Variants in VPS13C observed in about 807,000 individuals in gnomAD.
VPS13C encodes intermembrane lipid transfer protein VPS13C.
In VPS13C, 358 loss-of-function variants were observed where a neutral mutation model predicts 456.8. That is an observed-to-expected ratio of 0.78 (90% CI 0.72 to 0.86). The LOEUF is 0.86. Ranked by LOEUF, VPS13C falls within the 40% of genes least tolerant of loss-of-function variation. The pLI is 0.00. For missense variants in VPS13C, 4,818 were observed against 4,385.4 expected (o/e 1.10, Z -2.79); for synonymous variants, 1,578 against 1,486.7 (o/e 1.06, Z -1.41).
intron 53 of VPS13C, among the ~76,000 whole-genome samples, chr15:61,924,014 C>T (rs1473713843): frequency 6.7e-6 from 1 of 150,242 alleles, no homozygotes; most frequent in South Asian, 2.2e-4. Flanking sequence ...TACAGGCGCC[C>T]GCCACTACGC....
At chr15:61,898,482 A>C (rs1222374463) in intron 66 of VPS13C, among the ~76,000 whole-genome samples, 1 of 151,908 alleles carries the variant, frequency 6.6e-6, no homozygotes, top group Non-Finnish European at 1.5e-5. Context: ...ACTTTAAACC[A>C]ACAAAGATCA....
intron 67 of VPS13C, among the ~76,000 whole-genome samples, chr15:61,889,099 A>G (rs1038465966): frequency 1.7e-4 from 26 of 152,202 alleles, no homozygotes; most frequent in African/African-American, 6.0e-4. Context: ...CCATGTCATA[A>G]AAAAGGTAAT....
In VPS13C at chr15:62,035,016, TA is replaced by T; in HGVS notation, c.223del (p.Tyr75MetfsTer27). Reference sequence around the variant, plus strand: ...CAGGGTCGCAACAACTGCTTCTCCATAAAGGTTCTTCCAAGGAATCTTCAAA... The same window carrying T: ...CAGGGTCGCAACAACTGCTTCTCCATAAGGTTCTTCCAAGGAATCTTCAAA... ...LTLKIPWKNL[Y>X]GEAVVATLEG... On this transcript the variant is annotated frameshift_variant, in exon 4 of 85. Transcript: ENST00000644861. LOFTEE classifies it high-confidence loss of function. 2 of 1,606,550 alleles carry T rather than the reference TA, an allele frequency of 1.2e-6. No individual in the cohort carries two copies. The highest frequency in any genetic ancestry group is 1.7e-6 in the Non-Finnish European group (2 of 1,175,618).
Position 62,007,179 on chromosome 15 carries a change from A to G in VPS13C, c.1290+129T>C, listed in dbSNP as rs932982677. Reference sequence around the variant, plus strand: ...AAAAAAAAATTCTGCATTTTCCCACATAATTCTCTCTCAAAAAGAGGTGAA... The same window carrying G: ...AAAAAAAAATTCTGCATTTTCCCACGTAATTCTCTCTCAAAAAGAGGTGAA... On this transcript the variant is annotated intron_variant, in intron 15 of 84. Transcript: ENST00000644861. 9.3e-6 allele frequency: 8 copies of G among 855,844 alleles called. No homozygotes were observed. In the African/African-American group the frequency reaches 1.4e-4, roughly 15 times the overall value. 53.0% of individuals were successfully genotyped at this position (855,844 alleles called of 1,614,324 possible). A position where few individuals can be genotyped will look rare whatever the true frequency, so the allele number is the denominator to read the frequency against.
Position 62,041,335 on chromosome 15 carries a change from G to A in VPS13C, c.176C>T (p.Ala59Val). ...SELDVPFKVKAGQIDKLTLKI... is the reference protein window; with the variant it reads ...SELDVPFKVKVGQIDKLTLKI... Reference sequence around the variant, plus strand: ...ACTAAAGTACTTACCAATTTGGCCAGCCTTGACTTTAAAAGGAACATCCAA... The same window carrying A: ...ACTAAAGTACTTACCAATTTGGCCAACCTTGACTTTAAAAGGAACATCCAA... The change falls in exon 3 of 85, where the codon GCT becomes GTT. Residue 59 changes from alanine to valine, a missense_variant. Transcript: ENST00000644861. 1.2e-6 allele frequency: 2 copies of A among 1,607,122 alleles called. No homozygotes were observed. The highest frequency in any genetic ancestry group is 1.7e-6 in the Non-Finnish European group (2 of 1,178,274).
chr15:61,948,640 A>G (rs1704849840), intron 42 of VPS13C, among the ~76,000 whole-genome samples: 1 of 151,950 alleles, frequency 6.6e-6, no homozygotes, highest in Admixed American at 6.6e-5. Flanking sequence ...CCAAGATCAC[A>G]TCACTGCACT....
chr15:62,046,464 C>T (rs1042358125), intron 1 of VPS13C, among the ~76,000 whole-genome samples: 10 of 152,164 alleles, frequency 6.6e-5, no homozygotes, highest in African/African-American at 2.4e-4. Context: ...ATGAATTACA[C>T]AAAATTACAA....
rs141910514 is a variant in VPS13C at position 61,931,875 on chromosome 15, C to T, written c.5869-616G>A. ...GATTACAGGCATAAGCCACTGCGCC[C>T]CGCCTCTAATAATAAATATTTAATG... On this transcript the variant is annotated intron_variant, in intron 49 of 84. Transcript: ENST00000644861. 1.5e-3 allele frequency among the ~76,000 whole-genome samples: 234 copies of T among 152,126 alleles called. 1 individual carries two copies. Among genetic ancestry groups the T allele is most frequent in the African/African-American group, 5.4e-3 (226 of 41,512 alleles).
At position 61,854,218 on chromosome 15, in the gene VPS13C, T is replaced by C. The variant is rs1013943453; in HGVS notation, c.*239A>G. Reference sequence around the variant, plus strand: ...CATTCTGAGTTTGAAGTGACGTTTCTTCAAGGGTCTGACCCATTTGGGTGG... The same window carrying C: ...CATTCTGAGTTTGAAGTGACGTTTCCTCAAGGGTCTGACCCATTTGGGTGG... On this transcript the variant is annotated 3_prime_UTR_variant, in exon 85 of 85. Transcript: ENST00000644861. The C allele has an allele frequency of 3.7e-5, 20 of 533,676 alleles. No homozygotes were observed. In the African/African-American group the frequency reaches 3.8e-4, roughly 10 times the overall value. 33.1% of individuals were successfully genotyped at this position (533,676 alleles called of 1,614,324 possible). A position where few individuals can be genotyped will look rare whatever the true frequency, so the allele number is the denominator to read the frequency against.
chr15:61,924,162 C>G, intron 53 of VPS13C, among the ~76,000 whole-genome samples: 1 of 151,582 alleles, frequency 6.6e-6, no homozygotes, highest in Non-Finnish European at 1.5e-5. Flanking sequence ...CCACCGCGCC[C>G]GGCCACCCCT....
At chr15:61,880,249 A>G (rs1895746421) in intron 73 of VPS13C, among the ~76,000 whole-genome samples, 1 of 152,170 alleles carries the variant, frequency 6.6e-6, no homozygotes, top group African/African-American at 2.4e-5. Context: ...GCGTTTTCAC[A>G]TTCTGGTTAC....
At chr15:61,896,671 G>A (rs1435346151) in intron 66 of VPS13C, among the ~76,000 whole-genome samples, 1 of 152,244 alleles carries the variant, frequency 6.6e-6, no homozygotes, top group Non-Finnish European at 1.5e-5. Context: ...AGCGAGGCTG[G>A]GGGAGGGGTG....
At chr15:62,057,954 T>C (rs1224656784) in intron 1 of VPS13C, among the ~76,000 whole-genome samples, 2 of 152,232 alleles carry the variant, frequency 1.3e-5, no homozygotes, top group Non-Finnish European at 1.5e-5. Flanking sequence ...ATGGAACCTC[T>C]GACTATATCC....
At position 61,977,171 on chromosome 15, in the gene VPS13C, C is replaced by A. The variant is rs1596409941; in HGVS notation, c.2319G>T (p.Gln773His). 1.3e-6 allele frequency: 2 copies of A among 1,561,190 alleles called. No homozygotes were observed. The highest frequency in any genetic ancestry group is 4.8e-5 in the East Asian group (2 of 41,958). ...AEETWKKCRF[Q>H]HPSTMHILQP... is the part of the protein sequence containing the mutation. ...GCAATATATGCATAGTTGATGGATG[C>A]TGAAATCGACACTTTTTCCAGGTTT... The change falls in exon 24 of 85, where the codon CAG becomes CAT. Residue 773 changes from glutamine to histidine, a missense_variant. Around this residue, in one of 3 missense-constraint regions of VPS13C, gnomAD observed 4,552 missense variants for 4,130.6 expected, o/e 1.10. Coordinates refer to ENST00000644861, the MANE Select transcript of VPS13C (RefSeq NM_020821.3).
chr15:62,016,392 G>C (rs910318030), intron 9 of VPS13C, among the ~76,000 whole-genome samples: 2 of 151,506 alleles, frequency 1.3e-5, no homozygotes, highest in Non-Finnish European at 2.9e-5. Context: ...ATTTACATTA[G>C]GTATATCTCT....
intron 1 of VPS13C, 26 bp from the exon 2 acceptor site, chr15:62,044,281 ATATTACT>A: frequency 7.2e-7 from 1 of 1,379,864 alleles, no homozygotes; most frequent in Non-Finnish European, 1.0e-6. Context: ...ACAAAGAAAA[ATATTACT>A]ATAACATACC....
intron 2 of VPS13C, among the ~76,000 whole-genome samples, chr15:62,042,084 C>G (rs2048260579): frequency 6.6e-6 from 1 of 152,072 alleles, no homozygotes; most frequent in African/African-American, 2.4e-5. Context: ...ACAGTTCTCT[C>G]TCAAATATTT....
intron 77 of VPS13C, 47 bp from the exon 78 acceptor site, chr15:61,873,456 C>T: frequency 1.9e-6 from 3 of 1,549,710 alleles, no homozygotes; most frequent in Non-Finnish European, 2.6e-6. Context: ...AGGAACTATA[C>T]AAGGAACTCA....
intron 10 of VPS13C, among the ~76,000 whole-genome samples, chr15:62,013,703 T>C (rs1471384756): frequency 1.3e-5 from 2 of 152,002 alleles, no homozygotes; most frequent in Admixed American, 1.3e-4. Flanking sequence ...TAAAGTACCA[T>C]TTGGGAAGTA....
Sources: allele counts gnomAD v4.1 joint callset (sites outside exome capture counted in the v4.1 genomes callset), GRCh38; gene constraint gnomAD v4.1.1; regional missense constraint gnomAD v4.1.1; transcripts MANE v1.5; gene names NCBI Gene and HGNC (gene_info 2026-07-23, HGNC 2026-07-21).